LINGO2: variants seen among roughly 807,000 people sequenced by gnomAD.
The protein encoded by LINGO2 is leucine-rich repeat and immunoglobulin-like domain-containing nogo receptor-interacting protein 2.
In LINGO2, 14 loss-of-function variants were observed where a neutral mutation model predicts 30.6. The ratio of observed to expected loss-of-function variants is 0.46; its 90% CI spans 0.30 to 0.72. The LOEUF is 0.72. Among genes scored for constraint, LINGO2 ranks in the 30% least tolerant of loss-of-function variants. The pLI, the probability that LINGO2 is intolerant of heterozygous loss-of-function variation, is 0.07. For missense variants in LINGO2, 729 were observed against 751.7 expected (o/e 0.97, Z 0.35); for synonymous variants, 317 against 288.5 (o/e 1.10, Z -1.00).
the LINGO2 span, among the ~76,000 whole-genome samples, chr9:28,997,598 C>T: frequency 9.9e-5 from 15 of 152,148 alleles, no homozygotes; most frequent in East Asian, 5.8e-4. Context: ...CCAAGGCTGG[C>T]GGATCACGAG....
chr9:28,244,658 G>C (rs887168202), intron 4 of LINGO2, among the ~76,000 whole-genome samples: 2 of 152,060 alleles, frequency 1.3e-5, no homozygotes, highest in Non-Finnish European at 2.9e-5. Context: ...ACTACCATCA[G>C]AGAATACTAT....
chr9:28,294,493 G>T (rs1171294794), intron 4 of LINGO2, among the ~76,000 whole-genome samples: 1 of 152,118 alleles, frequency 6.6e-6, no homozygotes, highest in South Asian at 2.1e-4. Flanking sequence ...GTTTCTTCAG[G>T]TAATTATGGA....
chr9:29,179,188 T>C, the LINGO2 span, among the ~76,000 whole-genome samples: 8 of 139,392 alleles, frequency 5.7e-5, no homozygotes, highest in African/African-American at 1.9e-4. Flanking sequence ...TATATATATA[T>C]ATATATATAT....
At chr9:29,099,807 T>C in the LINGO2 span, among the ~76,000 whole-genome samples, 2 of 152,306 alleles carry the variant, frequency 1.3e-5, no homozygotes, top group South Asian at 4.1e-4. Flanking sequence ...ACAACCACTA[T>C]GGGGAACATT....
At chr9:29,175,792 A>G in the LINGO2 span, among the ~76,000 whole-genome samples, 5 of 152,144 alleles carry the variant, frequency 3.3e-5, 1 homozygote, top group East Asian at 9.7e-4. Context: ...CCCAAAGCCG[A>G]TAATTTTTTT....
intron 4 of LINGO2, among the ~76,000 whole-genome samples, chr9:28,043,026 G>C (rs1389369055): frequency 6.6e-6 from 1 of 152,180 alleles, no homozygotes; most frequent in Admixed American, 6.5e-5. Flanking sequence ...TTCATGGTTT[G>C]AATAAAGACT....
At chr9:28,106,752 C>A (rs1488141282) in intron 4 of LINGO2, among the ~76,000 whole-genome samples, 1 of 152,124 alleles carries the variant, frequency 6.6e-6, no homozygotes, top group East Asian at 1.9e-4. Context: ...ATTCTTTAAA[C>A]TTTTCAAACT....
the LINGO2 span, among the ~76,000 whole-genome samples, chr9:28,835,876 CT>C: frequency 2.2e-4 from 33 of 152,172 alleles, no homozygotes; most frequent in African/African-American, 7.5e-4. Flanking sequence ...TATTACTGCA[CT>C]TATCACACTC....
intron 4 of LINGO2, among the ~76,000 whole-genome samples, chr9:28,055,802 G>A (rs1050446904): frequency 1.3e-5 from 2 of 152,084 alleles, no homozygotes; most frequent in Non-Finnish European, 2.9e-5. Flanking sequence ...TGAAGCCTAT[G>A]GATATAGTTT....
At chr9:28,897,374 T>C in the LINGO2 span, among the ~76,000 whole-genome samples, 2 of 151,140 alleles carry the variant, frequency 1.3e-5, no homozygotes, top group African/African-American at 2.4e-5. Flanking sequence ...GATAGGCACA[T>C]AGAAATCTAC....
At chr9:28,152,615 T>A (rs1391569289) in intron 4 of LINGO2, among the ~76,000 whole-genome samples, 1 of 152,206 alleles carries the variant, frequency 6.6e-6, no homozygotes, top group Non-Finnish European at 1.5e-5. Context: ...AATGACATTT[T>A]GGATTAGTGG....
At chr9:29,153,044 G>A in the LINGO2 span, among the ~76,000 whole-genome samples, 3 of 151,926 alleles carry the variant, frequency 2.0e-5, no homozygotes, top group African/African-American at 7.2e-5. Context: ...GACACTAGTG[G>A]TTATTTAATA....
chr9:28,547,313 T>C (rs1054013941), intron 1 of LINGO2, among the ~76,000 whole-genome samples: 12 of 152,142 alleles, frequency 7.9e-5, no homozygotes, highest in African/African-American at 1.2e-4. Flanking sequence ...CCCTTATATG[T>C]AAAGAAGTCT....
intron 2 of LINGO2, among the ~76,000 whole-genome samples, chr9:28,428,899 C>A (rs1369125504): frequency 6.6e-6 from 1 of 152,122 alleles, no homozygotes; most frequent in Non-Finnish European, 1.5e-5. Context: ...ACTTTTAGTG[C>A]ATCCTAGTTC....
chr9:27,963,856 A>C (rs1422382106), intron 5 of LINGO2, among the ~76,000 whole-genome samples: 1 of 152,048 alleles, frequency 6.6e-6, no homozygotes, highest in East Asian at 1.9e-4. Context: ...ACTCCATGAA[A>C]TCAGATACTG....
chr9:29,037,558 T>C, the LINGO2 span, among the ~76,000 whole-genome samples: 2 of 152,114 alleles, frequency 1.3e-5, no homozygotes, highest in Admixed American at 1.3e-4. Flanking sequence ...ATATCATGCA[T>C]TTCTATTTTA....
At chr9:29,151,372 C>A in the LINGO2 span, among the ~76,000 whole-genome samples, 1 of 152,250 alleles carries the variant, frequency 6.6e-6, no homozygotes, top group Non-Finnish European at 1.5e-5. Context: ...AACCACCTAA[C>A]AATATGACAG....
the LINGO2 span, among the ~76,000 whole-genome samples, chr9:28,962,795 T>C: frequency 6.6e-6 from 1 of 151,762 alleles, no homozygotes; most frequent in Non-Finnish European, 1.5e-5. Context: ...CTCCTTTTAA[T>C]TTTACATCTT....
the LINGO2 span, among the ~76,000 whole-genome samples, chr9:29,018,091 TTA>T: frequency 0.045 from 1,054 of 23,182 alleles, 15 homozygotes; most frequent in African/African-American, 0.075. Flanking sequence ...AATATACATT[TTA>T]TATATATATA....
Sources: allele counts gnomAD v4.1 joint callset (sites outside exome capture counted in the v4.1 genomes callset), GRCh38; gene constraint gnomAD v4.1.1; transcripts MANE v1.5; gene names NCBI Gene and HGNC (gene_info 2026-07-23, HGNC 2026-07-21).